Variants in C11orf65 observed in about 807,000 individuals in gnomAD.
C11orf65 encodes the protein protein MFI.
Under a neutral mutation model 35.3 loss-of-function variants are expected in C11orf65, and 38 were observed. That is an observed-to-expected ratio of 1.08 (90% CI 0.83 to 1.41). The LOEUF (loss-of-function observed/expected upper bound fraction) is 1.41, where lower values mean the gene tolerates loss of function less well. Among genes scored for constraint, C11orf65 ranks in the 40% most tolerant of loss-of-function variants. The pLI is 0.00. For missense variants in C11orf65, 370 were observed against 367.1 expected, an observed-to-expected ratio of 1.01 and a Z score of -0.06; for synonymous variants, 105 against 114.4, an observed-to-expected ratio of 0.92 and a Z score of 0.53.
At chr11:108,454,740 G>A (rs567380264) in intron 2 of C11orf65, among the ~76,000 whole-genome samples, 12 of 152,166 alleles carry the variant, frequency 7.9e-5, no homozygotes, top group Admixed American at 2.6e-4. Context: ...GACTACAGAC[G>A]TGTGCCACCA....
chr11:108,397,301 A>G (rs1445372872), intron 6 of C11orf65, among the ~76,000 whole-genome samples: 3 of 150,984 alleles, frequency 2.0e-5, no homozygotes, highest in Admixed American at 6.6e-5. Context: ...CCTGGGCAGC[A>G]GAGCAAGACT....
chr11:108,325,413 C>G (rs745709682), intron 6 of C11orf65: 1 of 1,613,766 alleles, frequency 6.2e-7, no homozygotes, highest in South Asian at 1.1e-5. Flanking sequence ...TATCATGGCT[C>G]TACGCACAGT....
chr11:108,347,517 C>A, intron 2 of C11orf65: 1 of 660,498 alleles, frequency 1.5e-6, no homozygotes, highest in Non-Finnish European at 2.6e-6. Context: ...AACAGTTGTC[C>A]TAGAAGAAAC....
At chr11:108,415,823 T>C (rs2092722380) in intron 3 of C11orf65, among the ~76,000 whole-genome samples, 1 of 152,084 alleles carries the variant, frequency 6.6e-6, no homozygotes, top group Admixed American at 6.5e-5. Flanking sequence ...CAGTTAACTA[T>C]TCTCTGACAA....
At chr11:108,319,925 T>A (rs771588132) in intron 6 of C11orf65, 1 of 1,493,140 alleles carries the variant, frequency 6.7e-7, no homozygotes, top group Non-Finnish European at 9.3e-7. Flanking sequence ...TGTTTTTAAG[T>A]ATATTTTTTT....
intron 2 of C11orf65, among the ~76,000 whole-genome samples, chr11:108,453,260 A>T (rs1206931352): frequency 6.6e-6 from 1 of 152,104 alleles, no homozygotes; most frequent in African/African-American, 2.4e-5. Flanking sequence ...ATAACTAAAA[A>T]GTTAATAGAG....
At chr11:108,410,362 T>C (rs11212614) in intron 3 of C11orf65, among the ~76,000 whole-genome samples, 42,737 of 152,062 alleles carry the variant, frequency 0.28, 7,200 homozygotes, top group Middle Eastern at 0.54. Flanking sequence ...TAGTAGTTTA[T>C]CAATTTTATT....
chr11:108,352,488 A>G (rs2089325108), intron 2 of C11orf65, among the ~76,000 whole-genome samples: 1 of 152,208 alleles, frequency 6.6e-6, no homozygotes. Flanking sequence ...GAAGAAAATT[A>G]AGAGGAAACC....
Position 108,383,114 on chromosome 11 carries a change from C to T in C11orf65, c.849G>A (p.Met283Ile), listed in dbSNP as rs764642720. 1 of 1,612,248 alleles carries T rather than the reference C, an allele frequency of 6.2e-7. No individual in the cohort carries two copies. Among genetic ancestry groups the T allele is most frequent in the East Asian group, 2.2e-5 (1 of 44,812 alleles). Reference sequence around the variant, plus strand: ...AAGTATCATCTGGTATTCCCATTTGCATCTTTGATATGTCTCCTCCATAGT... The same window carrying T: ...AAGTATCATCTGGTATTCCCATTTGTATCTTTGATATGTCTCCTCCATAGT... ...IYNYGGDISKMQMGIPDDTYY... is the reference protein window; with the variant it reads ...IYNYGGDISKIQMGIPDDTYY... Residue 283 changes from methionine to isoleucine, a missense_variant, in exon 9 of 9, where the codon ATG (methionine) becomes ATA (isoleucine). Met to Ile is a conservative substitution (Grantham distance 10). Coordinates refer to ENST00000393084, the MANE Select transcript of C11orf65 (RefSeq NM_152587.5).
At chr11:108,352,040 C>T (rs2089270232) in intron 2 of C11orf65, among the ~76,000 whole-genome samples, 1 of 152,014 alleles carries the variant, frequency 6.6e-6, no homozygotes, top group Non-Finnish European at 1.5e-5. Context: ...GTGGTGACTC[C>T]CAAAGGCATT....
chr11:108,336,095 G>A (rs1381702645), intron 2 of C11orf65: 1 of 676,926 alleles, frequency 1.5e-6, no homozygotes, highest in Non-Finnish European at 2.6e-6. Context: ...CCAGGAGTTC[G>A]AGACCAGCCT....
At chr11:108,431,928 G>T in intron 2 of C11orf65, 90 bp from the exon 3 acceptor site, 1 of 655,892 alleles carries the variant, frequency 1.5e-6, no homozygotes, top group Non-Finnish European at 2.5e-6. Flanking sequence ...AACGAATAAA[G>T]TACCATAAAA....
intron 2 of C11orf65, among the ~76,000 whole-genome samples, chr11:108,339,591 G>T (rs1565550814): frequency 6.6e-6 from 1 of 152,024 alleles, no homozygotes; most frequent in African/African-American, 2.4e-5. Context: ...TAGTACCAGA[G>T]AAAACACTGT....
At chr11:108,417,849 T>C (rs1225439105) in intron 3 of C11orf65, among the ~76,000 whole-genome samples, 5 of 151,950 alleles carry the variant, frequency 3.3e-5, no homozygotes. Flanking sequence ...CAAACCACCA[T>C]GGCAAGTGTA....
chr11:108,444,855 CA>C (rs966662945), intron 2 of C11orf65, among the ~76,000 whole-genome samples: 1 of 152,158 alleles, frequency 6.6e-6, no homozygotes, highest in African/African-American at 2.4e-5. Flanking sequence ...CTTTCCTAGT[CA>C]AAGAAAGGGG....
intron 2 of C11orf65, among the ~76,000 whole-genome samples, chr11:108,444,588 C>T (rs1237609539): frequency 1.3e-5 from 2 of 152,134 alleles, no homozygotes; most frequent in African/African-American, 2.4e-5. Flanking sequence ...TGGCAAACCG[C>T]ATCCAGCAGC....
At chr11:108,467,289 T>C (rs1191538973) in intron 1 of C11orf65, among the ~76,000 whole-genome samples, 182 bp downstream of exon 1, 5 of 152,106 alleles carry the variant, frequency 3.3e-5, no homozygotes, top group Admixed American at 2.6e-4. Flanking sequence ...GTAAACCAGC[T>C]GGAGGCCTCG....
chr11:108,310,368 A>T, intron 6 of C11orf65: 1 of 1,513,928 alleles, frequency 6.6e-7, no homozygotes, highest in South Asian at 1.1e-5. Context: ...CATTGTCTCA[A>T]TAAGGGTATA....
intron 2 of C11orf65, among the ~76,000 whole-genome samples, chr11:108,440,692 T>C (rs917664327): frequency 1.3e-5 from 2 of 152,156 alleles, no homozygotes; most frequent in Admixed American, 1.3e-4. Flanking sequence ...CTGTTCTCAC[T>C]CAGAATGAAC....
Sources: gnomAD v4.1 joint callset for allele counts (sites outside exome capture counted in the v4.1 genomes callset) on GRCh38, gnomAD v4.1.1 for gene constraint, MANE v1.5 for transcripts, NCBI Gene and HGNC (gene_info 2026-07-23, HGNC 2026-07-21) for gene names.